Variants in CACNA2D3 observed in about 807,000 individuals in gnomAD.
CACNA2D3 encodes calcium voltage-gated channel auxiliary subunit alpha2delta 3, also known as voltage-dependent calcium channel subunit alpha-2/delta-3.
A neutral mutation model predicts 160.6 loss-of-function variants in CACNA2D3; 60 were observed. That is an observed-to-expected ratio of 0.37 (90% CI 0.30 to 0.46). The LOEUF is 0.46. CACNA2D3 is among the 20% of genes least tolerant of loss of function. CACNA2D3 has a pLI of 1.00. For missense variants in CACNA2D3, 1,205 were observed against 1,365.0 expected (o/e 0.88, Z 1.85); for synonymous variants, 558 against 492.9 (o/e 1.13, Z -1.75).
intron 3 of CACNA2D3, among the ~76,000 whole-genome samples, chr3:54,369,297 A>T (rs1698882082): frequency 1.3e-5 from 2 of 152,050 alleles, no homozygotes; most frequent in African/African-American, 4.8e-5. Flanking sequence ...GGTATAGAGT[A>T]GAACTAAGTT....
intron 5 of CACNA2D3, among the ~76,000 whole-genome samples, chr3:54,551,939 T>C (rs1226234222): frequency 6.6e-6 from 1 of 152,234 alleles, no homozygotes; most frequent in Non-Finnish European, 1.5e-5. Flanking sequence ...GACTTAGTGA[T>C]GGCGAAGTAT....
At chr3:54,384,258 A>G (rs2359786) in intron 3 of CACNA2D3, among the ~76,000 whole-genome samples, 53,110 of 151,942 alleles carry the variant, frequency 0.35, 9,393 homozygotes, top group Admixed American at 0.42. Flanking sequence ...TCCATTTTTT[A>G]TGTGTTGCAG....
chr3:54,135,044 C>T (rs568801948), intron 2 of CACNA2D3, among the ~76,000 whole-genome samples: 2 of 152,332 alleles, frequency 1.3e-5, no homozygotes, highest in East Asian at 3.9e-4. Flanking sequence ...TTGAGTGCCA[C>T]ATTATCACTG....
chr3:54,942,297 A>G (rs868550264), intron 27 of CACNA2D3, among the ~76,000 whole-genome samples: 5 of 152,302 alleles, frequency 3.3e-5, no homozygotes, highest in Middle Eastern at 3.4e-3. Flanking sequence ...TCAAAGCTCA[A>G]AGATTCAGAC....
intron 5 of CACNA2D3, among the ~76,000 whole-genome samples, chr3:54,516,202 C>T (rs982173326): frequency 6.6e-6 from 1 of 152,168 alleles, no homozygotes; most frequent in Non-Finnish European, 1.5e-5. Context: ...CCACCAGTTC[C>T]TTAAGATGAC....
intron 2 of CACNA2D3, among the ~76,000 whole-genome samples, chr3:54,198,006 G>A (rs1237068144): frequency 1.3e-5 from 2 of 152,204 alleles, no homozygotes; most frequent in Non-Finnish European, 2.9e-5. Flanking sequence ...GTCTTTGGAC[G>A]TGATGAAAGT....
At chr3:54,335,865 G>C (rs1355293804) in intron 3 of CACNA2D3, among the ~76,000 whole-genome samples, 1 of 149,584 alleles carries the variant, frequency 6.7e-6, no homozygotes, top group Admixed American at 6.6e-5. Flanking sequence ...TTAACCAGCT[G>C]TGGTGGTGCA....
chr3:54,604,335 T>A (rs1703119379), intron 9 of CACNA2D3, among the ~76,000 whole-genome samples: 1 of 152,162 alleles, frequency 6.6e-6, no homozygotes, highest in Admixed American at 6.5e-5. Context: ...TAAAGTATTG[T>A]TAGACCCAGA....
chr3:54,452,301 A>G (rs1037179784), intron 4 of CACNA2D3, among the ~76,000 whole-genome samples: 1 of 152,174 alleles, frequency 6.6e-6, no homozygotes, highest in Non-Finnish European at 1.5e-5. Flanking sequence ...AGATCTCATG[A>G]GACTTACTCA....
At chr3:54,641,137 G>A (rs921274857) in intron 10 of CACNA2D3, among the ~76,000 whole-genome samples, 4 of 152,172 alleles carry the variant, frequency 2.6e-5, no homozygotes, top group African/African-American at 9.7e-5. Context: ...GCCTCAAGGG[G>A]TCCTGAGAGC....
intron 5 of CACNA2D3, among the ~76,000 whole-genome samples, chr3:54,559,367 G>A (rs1176739546): frequency 6.6e-6 from 1 of 151,910 alleles, no homozygotes; most frequent in Admixed American, 6.6e-5. Flanking sequence ...GCGCGATCTC[G>A]GCTCAACCTC....
At chr3:54,301,243 C>T (rs112070080) in intron 2 of CACNA2D3, among the ~76,000 whole-genome samples, 2,570 of 149,978 alleles carry the variant, frequency 0.017, 72 homozygotes, top group African/African-American at 0.058. Flanking sequence ...GGCAACAGAG[C>T]GAGATCCTGT....
rs149520692 is a variant in CACNA2D3, at chr3:54,376,669, G to A, written c.322-10046G>A. On this transcript the variant is annotated intron_variant, in intron 3 of 37. Transcript: ENST00000474759. ...TATCTTCATTGCGTCAGCCCTTAGT[G>A]TAATTCTTCCCACATAATTAATCAT... is the stretch of plus-strand genomic sequence containing the variant. Among the ~76,000 whole-genome samples the A allele has an allele frequency of 8.6e-3, 1,302 of 152,248 alleles. 5 individuals carry two copies. Among genetic ancestry groups the A allele is most frequent in the Non-Finnish European group, 0.014 (937 of 68,034 alleles).
At chr3:54,347,327 T>G (rs764474774) in intron 3 of CACNA2D3, among the ~76,000 whole-genome samples, 2 of 152,218 alleles carry the variant, frequency 1.3e-5, no homozygotes, top group Non-Finnish European at 2.9e-5. Flanking sequence ...CAGTGCACTT[T>G]CCTGCTGGCA....
At chr3:54,213,165 T>C (rs1394907772) in intron 2 of CACNA2D3, among the ~76,000 whole-genome samples, 1 of 152,212 alleles carries the variant, frequency 6.6e-6, no homozygotes, top group East Asian at 1.9e-4. Flanking sequence ...TGGCTCTTGA[T>C]CACTGAAACT....
chr3:54,532,671 T>C (rs1304511355), intron 5 of CACNA2D3, among the ~76,000 whole-genome samples: 2 of 152,322 alleles, frequency 1.3e-5, no homozygotes, highest in Admixed American at 1.3e-4. Context: ...ATGGTATACA[T>C]ACCATACATT....
At chr3:54,878,627 T>C (rs994793497) in intron 18 of CACNA2D3, 1 of 158,060 alleles carries the variant, frequency 6.3e-6, no homozygotes, top group Non-Finnish European at 1.4e-5. Context: ...CGTCTTTAAC[T>C]TGATTACGTT....
At chr3:54,763,430 A>C (rs543383627) in intron 12 of CACNA2D3, among the ~76,000 whole-genome samples, 1 of 152,174 alleles carries the variant, frequency 6.6e-6, no homozygotes, top group African/African-American at 2.4e-5. Context: ...GGCACCTAGC[A>C]CTCAAAAATT....
At chr3:54,703,253 G>A (rs199738371) in intron 11 of CACNA2D3, among the ~76,000 whole-genome samples, 2 of 151,916 alleles carry the variant, frequency 1.3e-5, no homozygotes, top group Non-Finnish European at 2.9e-5. Context: ...GAAAAAAAAA[G>A]GATAAAAAAA....
Sources: gnomAD v4.1 joint callset for allele counts (sites outside exome capture counted in the v4.1 genomes callset) on GRCh38, gnomAD v4.1.1 for gene constraint, MANE v1.5 for transcripts, NCBI Gene and HGNC (gene_info 2026-07-23, HGNC 2026-07-21) for gene names.